Variants in KMT2C observed in about 807,000 individuals in gnomAD.
KMT2C encodes the protein lysine methyltransferase 2C.
KMT2C carries 88 observed loss-of-function variants against 507.9 expected under a neutral mutation model. The observed-to-expected ratio is 0.17, with a 90% CI of 0.15 to 0.21. The LOEUF (loss-of-function observed/expected upper bound fraction) is 0.21, where lower values mean the gene tolerates loss of function less well. Among genes scored for constraint, KMT2C ranks in the 10% least tolerant of loss-of-function variants. The probability of loss-of-function intolerance (pLI) is 1.00; values close to 1 mark genes in which losing one functional copy is unlikely to be tolerated. For missense variants in KMT2C, 4,954 were observed against 5,957.8 expected, an observed-to-expected ratio of 0.83 and a Z score of 5.55; for synonymous variants, 2,049 against 2,080.8, an observed-to-expected ratio of 0.98 and a Z score of 0.42.
At chr7:152,150,623 A>T (rs2091532535) in intron 51 of KMT2C, among the ~76,000 whole-genome samples, 1 of 152,208 alleles carries the variant, frequency 6.6e-6, no homozygotes, top group South Asian at 2.1e-4. Flanking sequence ...TCAAAAAAAA[A>T]TTAAACTGGT....
Position 152,220,725 on chromosome 7 carries a change from C to A in KMT2C, c.3510G>T (p.Lys1170Asn). The A allele has an allele frequency of 1.2e-6, 2 of 1,605,908 alleles. No individual in the cohort carries two copies. The highest frequency in any genetic ancestry group is 1.7e-6 in the Non-Finnish European group (2 of 1,174,456). The change falls in exon 23 of 59, where the codon AAG becomes AAT. Residue 1170 changes from lysine to asparagine, a missense_variant. By Grantham distance (94) the Lys-to-Asn change is moderately conservative. Coordinates refer to ENST00000262189, the MANE Select transcript of KMT2C (RefSeq NM_170606.3). ...AACACACACCATCCTGGGTATAAGT[C>A]TTGGGTGGGTCTAAAATTACAAAAT... ...VTKVKELDPPKTYTQDGVCLT... is the reference protein window; with the variant it reads ...VTKVKELDPPNTYTQDGVCLT...
intron 9 of KMT2C, among the ~76,000 whole-genome samples, chr7:152,255,487 T>C (rs1352299833): frequency 6.6e-6 from 1 of 151,946 alleles, no homozygotes; most frequent in Non-Finnish European, 1.5e-5. Flanking sequence ...TAAATGTGAT[T>C]CCAATAAAAA....
intron 6 of KMT2C, among the ~76,000 whole-genome samples, chr7:152,274,792 G>C (rs949382265): frequency 1.1e-4 from 17 of 152,196 alleles, no homozygotes; most frequent in African/African-American, 3.9e-4. Context: ...GCCATTACAT[G>C]ATCAGTTTAT....
In KMT2C at chr7:152,187,787, T is replaced by C. The variant is rs199796552; in HGVS notation, c.4721A>G (p.His1574Arg). Residue 1574 changes from histidine to arginine, a missense_variant, in exon 32 of 59, where the codon CAT (histidine) becomes CGT (arginine). Coordinates refer to ENST00000262189, the MANE Select transcript of KMT2C (RefSeq NM_170606.3). ...GLIGSSPHLP[H>R]NSLPPGSGLG... ...TCCGCTTCCAGGTGGCAAAGAATTA[T>C]GTGGGAGATGAGGACTGGATCCAAT... 5.2e-5 allele frequency: 84 copies of C among 1,614,052 alleles called. No homozygotes were observed. The East Asian group carries it at 1.7e-3, about 33-fold the overall frequency.
chr7:152,148,976 T>C lies in KMT2C; in HGVS notation c.12951A>G (p.Gln4317=). 1 of 1,582,230 alleles carries C rather than the reference T, an allele frequency of 6.3e-7. No homozygotes were observed. The highest frequency in any genetic ancestry group is 8.6e-7 in the Non-Finnish European group (1 of 1,165,438). ...IAFPPAFEAA[Q]VEAKPDELKV... Reference sequence around the variant, plus strand: ...TCAGCTCATCTGGCTTGGCCTCGACTTGGGCTGCTTCAAAAGCAGGAGGGA... The same window carrying C: ...TCAGCTCATCTGGCTTGGCCTCGACCTGGGCTGCTTCAAAAGCAGGAGGGA... Residue 4317 remains glutamine, a synonymous_variant, in exon 52 of 59, where the codon CAA becomes CAG. Coordinates refer to ENST00000262189, the MANE Select transcript of KMT2C (RefSeq NM_170606.3). The surrounding 1 kb of genome is among the most constrained non-coding windows in gnomAD (Gnocchi z 7.1).
Position 152,135,659 on chromosome 7 carries a change from A to G in KMT2C, c.*1173T>C. The G allele has an allele frequency of 4.4e-6, 1 of 227,288 alleles. No individual in the cohort carries two copies. Among genetic ancestry groups the G allele is most frequent in the Admixed American group, 5.7e-5 (1 of 17,574 alleles). The allele number at this position is 227,288 out of a possible 1,614,324, so 14.1% of individuals were successfully genotyped here. A position where few individuals can be genotyped will look rare whatever the true frequency, so the allele number is the denominator to read the frequency against. On this transcript the variant is annotated 3_prime_UTR_variant, in exon 59 of 59. Coordinates refer to ENST00000262189, the MANE Select transcript of KMT2C (RefSeq NM_170606.3). ...TCAAAACTACTTTTGCTGAAGAAAA[A>G]ATTCAGCCTCCATTTGGGTGTATTT...
chr7:152,238,644 A>T, intron 15 of KMT2C, 63 bp downstream of exon 15: 3 of 1,537,094 alleles, frequency 2.0e-6, no homozygotes, highest in Non-Finnish European at 2.6e-6. Flanking sequence ...AATTCTTAAC[A>T]TCCAGTAGGG....
At position 152,377,565 on chromosome 7, in the gene KMT2C, T is replaced by C. The variant is rs1461646978; in HGVS notation, c.162-18890A>G. Among the ~76,000 whole-genome samples, 9 of 152,128 alleles carry C rather than the reference T, an allele frequency of 5.9e-5. No individual in the cohort carries two copies. In the East Asian group the frequency reaches 1.5e-3, roughly 26 times the overall value. On this transcript the variant is annotated intron_variant, in intron 1 of 58. Coordinates refer to ENST00000262189, the MANE Select transcript of KMT2C (RefSeq NM_170606.3). ...CCCTGGCCAACATGGCAAAACCCTA[T>C]TTCTACTAAAAATACAAAAATAAGC...
At chr7:152,399,480 G>A (rs909092552) in intron 1 of KMT2C, among the ~76,000 whole-genome samples, 3 of 151,972 alleles carry the variant, frequency 2.0e-5, no homozygotes, top group Non-Finnish European at 4.4e-5. Context: ...ATGGGAGTTG[G>A]CACTTTGGGG....
At chr7:152,375,632 C>T (rs898489008) in intron 1 of KMT2C, among the ~76,000 whole-genome samples, 2 of 151,980 alleles carry the variant, frequency 1.3e-5, no homozygotes, top group African/African-American at 4.8e-5. Context: ...GTGATCCACC[C>T]GCCTCAGCCT....
intron 6 of KMT2C, among the ~76,000 whole-genome samples, chr7:152,295,252 T>C (rs190760347): frequency 6.6e-6 from 1 of 152,354 alleles, no homozygotes; most frequent in Admixed American, 6.5e-5. Flanking sequence ...CCAATTCAAT[T>C]ACAAAGGGCT....
intron 9 of KMT2C, among the ~76,000 whole-genome samples, chr7:152,259,833 C>A (rs985599885): frequency 3.9e-5 from 6 of 152,204 alleles, no homozygotes; most frequent in Non-Finnish European, 7.3e-5. Flanking sequence ...CAGTTTCACA[C>A]ACAGTAAACA....
At chr7:152,254,272 T>G (rs1382884106) in intron 9 of KMT2C, among the ~76,000 whole-genome samples, 1 of 151,882 alleles carries the variant, frequency 6.6e-6, no homozygotes, top group African/African-American at 2.4e-5. Flanking sequence ...CACATATATT[T>G]TTTAAAAGAA....
rs768954997 is a variant in KMT2C, at chr7:152,177,437, A to G, written c.8016T>C (p.Ser2672=). The change falls in exon 38 of 59, where the codon TCT becomes TCC. Residue 2672 remains serine, a synonymous_variant. Transcript: ENST00000262189. The part of the protein sequence containing the change: ...LSTSVPSETT[S]DNLQITTQPS... Reference sequence around the variant, plus strand: ...GCTGGGTGGTTATCTGTAAATTATCAGACGTTGTTTCAGACGGTACAGATG... The same window carrying G: ...GCTGGGTGGTTATCTGTAAATTATCGGACGTTGTTTCAGACGGTACAGATG... The G allele has an allele frequency of 5.0e-6, 8 of 1,614,170 alleles. No individual in the cohort carries two copies. Among genetic ancestry groups the G allele is most frequent in the Non-Finnish European group, 6.8e-6 (8 of 1,180,014 alleles).
chr7:152,302,493 T>G (rs1051549055), intron 6 of KMT2C, among the ~76,000 whole-genome samples: 2 of 152,016 alleles, frequency 1.3e-5, no homozygotes, highest in Admixed American at 1.3e-4. Context: ...ATTACAGGCG[T>G]GAGCCACCAT....
In KMT2C at chr7:152,181,915, A is replaced by G. The variant is rs376544598; in HGVS notation, c.5945T>C (p.Leu1982Ser). Reference protein sequence around the residue: ...PVMTDQFPKSLGLSRSPVVSE... With the variant: ...PVMTDQFPKSSGLSRSPVVSE... ...AACTACAGGAGACCGGGATAGGCCC[A>G]AGGATTTGGGAAATTGATCTGTCAT... Residue 1982 changes from leucine (L) to serine (S), a missense_variant, in exon 36 of 59, where the codon TTG becomes TCG. Around this residue, in one of 29 missense-constraint regions of KMT2C, gnomAD observed 1,689 missense variants for 1,654.3 expected, o/e 1.02. Transcript: ENST00000262189. 1.2e-5 allele frequency: 19 copies of G among 1,614,080 alleles called. No homozygotes were observed. Among genetic ancestry groups the G allele is most frequent in the Non-Finnish European group, 1.5e-5 (18 of 1,180,054 alleles).
chr7:152,196,959 G>A (rs1451902706), intron 27 of KMT2C, among the ~76,000 whole-genome samples: 1 of 152,168 alleles, frequency 6.6e-6, no homozygotes, highest in Non-Finnish European at 1.5e-5. Flanking sequence ...TAAGATTTTA[G>A]AGATTATGGG....
chr7:152,309,313 ATTTTTT>A (rs1169487768), intron 6 of KMT2C, among the ~76,000 whole-genome samples: 1 of 129,666 alleles, frequency 7.7e-6, no homozygotes, highest in Non-Finnish European at 1.6e-5. Context: ...ACACAAATTA[ATTTTTT>A]TTTTTTTTTT....
At chr7:152,141,836 T>C (rs2090596707) in intron 55 of KMT2C, among the ~76,000 whole-genome samples, 1 of 152,110 alleles carries the variant, frequency 6.6e-6, no homozygotes, top group Admixed American at 6.5e-5. Flanking sequence ...CTGGACAACA[T>C]GGCAAAACCT....
Sources: gnomAD v4.1 joint callset for allele counts (sites outside exome capture counted in the v4.1 genomes callset) on GRCh38, gnomAD v4.1.1 for gene constraint, gnomAD v4.1.1 regional missense constraint, Gnocchi (gnomAD v3.1) non-coding constraint, MANE v1.5 for transcripts, NCBI Gene and HGNC (gene_info 2026-07-23, HGNC 2026-07-21) for gene names.